The following IDE variants were observed in gnomAD, a reference collection of about 807,000 sequenced individuals.
IDE encodes insulin-degrading enzyme.
IDE carries 58 observed loss-of-function variants against 133.2 expected under a neutral mutation model. The observed-to-expected ratio is 0.44, with a 90% CI of 0.35 to 0.54. The LOEUF is 0.54. Among genes scored for constraint, IDE ranks in the 20% least tolerant of loss-of-function variants. IDE has a pLI of 0.00. For synonymous variants in IDE, 396 were observed against 421.3 expected, an observed-to-expected ratio of 0.94 and a Z score of 0.73; for missense variants, 981 against 1,234.0, an observed-to-expected ratio of 0.79 and a Z score of 3.07.
intron 1 of IDE, among the ~76,000 whole-genome samples, chr10:92,564,754 G>T (rs533414026): frequency 2.8e-5 from 4 of 140,700 alleles, no homozygotes; most frequent in African/African-American, 1.1e-4. Context: ...GATCAAGTGG[G>T]AAGAATCAGA....
intron 11 of IDE, among the ~76,000 whole-genome samples, chr10:92,499,146 G>A (rs182315854): frequency 6.6e-6 from 1 of 152,052 alleles, no homozygotes; most frequent in Non-Finnish European, 1.5e-5. Context: ...TATCACTTAA[G>A]AGCGGTTTTT....
intron 12 of IDE, 32 bp downstream of exon 12, chr10:92,490,461 G>T (rs753564360): frequency 7.6e-7 from 1 of 1,312,530 alleles, no homozygotes; most frequent in South Asian, 1.2e-5. Context: ...TTCCTCACAT[G>T]TCAGGCTTAT....
intron 5 of IDE, among the ~76,000 whole-genome samples, chr10:92,513,105 TACA>T (rs1228434170): frequency 3.3e-5 from 5 of 152,256 alleles, no homozygotes; most frequent in Non-Finnish European, 7.3e-5. Flanking sequence ...TTAATTACTA[TACA>T]ACATTATTAA....
At chr10:92,462,325 A>T (rs1373446377) in intron 21 of IDE, among the ~76,000 whole-genome samples, 2 of 150,966 alleles carry the variant, frequency 1.3e-5, no homozygotes, top group East Asian at 3.9e-4. Flanking sequence ...CATAAAAAAA[A>T]AAAAAAAAAA....
At chr10:92,546,004 C>G (rs531208429) in intron 1 of IDE, among the ~76,000 whole-genome samples, 44 of 152,222 alleles carry the variant, frequency 2.9e-4, no homozygotes, top group Middle Eastern at 6.8e-3. Flanking sequence ...CAGAAATGAT[C>G]AAATGACAAT....
At position 92,504,800 on chromosome 10, in the gene IDE, T is replaced by C. The variant is rs1258116735; in HGVS notation, c.1424A>G (p.Asn475Ser). ...AATCTGTATGGTGACTCACCGGACATTTTCTGGTCTGAGTTTATCGAGAAC... is the reference window on the plus strand; with the variant it reads ...AATCTGTATGGTGACTCACCGGACACTTTCTGGTCTGAGTTTATCGAGAAC... ...EMVLDKLRPE[N>S]VRVAIVSKSF... The change falls in exon 11 of 25, where the codon AAT becomes AGT. Residue 475 changes from asparagine (N) to serine (S), a missense_variant. Coordinates refer to ENST00000265986, the MANE Select transcript of IDE (RefSeq NM_004969.4). 2 of 1,554,460 alleles carry C rather than the reference T, an allele frequency of 1.3e-6. No individual in the cohort carries two copies. The highest frequency in any genetic ancestry group is 3.4e-5 in the Admixed American group (2 of 58,932).
intron 1 of IDE, among the ~76,000 whole-genome samples, chr10:92,552,501 C>T (rs1260547464): frequency 6.6e-6 from 1 of 152,120 alleles, no homozygotes; most frequent in East Asian, 1.9e-4. Flanking sequence ...GACTGGCCGG[C>T]CACTAGAAGC....
chr10:92,498,744 G>A lies in IDE; in HGVS notation c.1430+6050C>T, dbSNP rs902741464. Among the ~76,000 whole-genome samples, 7 of 151,924 alleles carry A rather than the reference G, an allele frequency of 4.6e-5. No homozygotes were observed. The East Asian group carries it at 1.2e-3, about 25-fold the overall frequency. ...GCACTCCAGCCTAGGCAACAAGAGC[G>A]AAACTCCATCTCAAAGAACAAAAAA... is the stretch of plus-strand genomic sequence containing the variant. On this transcript the variant is annotated intron_variant, in intron 11 of 24. Transcript: ENST00000265986.
intron 1 of IDE, among the ~76,000 whole-genome samples, chr10:92,556,937 A>C (rs1300587180): frequency 6.6e-6 from 1 of 151,992 alleles, no homozygotes; most frequent in Non-Finnish European, 1.5e-5. Context: ...AAAAAAAAAA[A>C]AAACTTATGC....
At chr10:92,510,241 T>G (rs538355472) in intron 5 of IDE, 79 bp from the exon 6 acceptor site, 1 of 704,976 alleles carries the variant, frequency 1.4e-6, no homozygotes, top group Non-Finnish European at 2.4e-6. Flanking sequence ...TCTTAGGATC[T>G]CCTGAAAAGT....
At chr10:92,552,167 T>C (rs11187065) in intron 1 of IDE, among the ~76,000 whole-genome samples, 25,140 of 152,142 alleles carry the variant, frequency 0.17, 2,450 homozygotes, top group Middle Eastern at 0.21. Flanking sequence ...AAGCTGGATT[T>C]TGACTGGATA....
chr10:92,461,930 T>G (rs962435881), intron 21 of IDE, among the ~76,000 whole-genome samples: 1 of 152,122 alleles, frequency 6.6e-6, no homozygotes, highest in African/African-American at 2.4e-5. Context: ...CGCCTCGCAC[T>G]CCCAAAATGT....
intron 21 of IDE, 72 bp downstream of exon 21, chr10:92,463,659 C>A: frequency 7.4e-7 from 1 of 1,354,810 alleles, no homozygotes; most frequent in Non-Finnish European, 1.0e-6. Flanking sequence ...AAAATGAATA[C>A]CATTTTGTAG....
chr10:92,487,450 A>C, intron 12 of IDE, 132 bp from the exon 13 acceptor site: 6 of 770,070 alleles, frequency 7.8e-6, no homozygotes, highest in Non-Finnish European at 1.2e-5. Context: ...TCATATATAA[A>C]AGAGGTACTA....
intron 20 of IDE, 28 bp downstream of exon 20, chr10:92,465,648 C>A: frequency 6.3e-7 from 1 of 1,591,722 alleles, no homozygotes; most frequent in Non-Finnish European, 8.6e-7. Context: ...GTCTACAGTA[C>A]CCTGCTATTT....
intron 14 of IDE, among the ~76,000 whole-genome samples, chr10:92,481,485 G>A (rs1482566139): frequency 6.6e-6 from 1 of 152,182 alleles, no homozygotes; most frequent in Non-Finnish European, 1.5e-5. Context: ...TGGTGAAGTG[G>A]AGAAGACCCT....
intron 17 of IDE, among the ~76,000 whole-genome samples, chr10:92,471,130 T>A (rs1845940981): frequency 6.6e-6 from 1 of 152,216 alleles, no homozygotes; most frequent in Non-Finnish European, 1.5e-5. Context: ...CCATTGGTAG[T>A]TATTGCCTGT....
At chr10:92,498,893 C>G (rs969502471) in intron 11 of IDE, among the ~76,000 whole-genome samples, 2 of 152,170 alleles carry the variant, frequency 1.3e-5, no homozygotes, top group Admixed American at 6.5e-5. Flanking sequence ...ATCTATAGCT[C>G]TTTCTCCTCA....
chr10:92,468,848 C>A lies in IDE; in HGVS notation c.2320+31G>T, dbSNP rs1193832342. 17 of 1,147,536 alleles carry A rather than the reference C, an allele frequency of 1.5e-5. No individual in the cohort carries two copies. The East Asian group carries it at 3.7e-4, about 25-fold the overall frequency. The allele number at this position is 1,147,536 out of a possible 1,614,324, so 71.1% of individuals were successfully genotyped here. A position where few individuals can be genotyped will look rare whatever the true frequency, so the allele number is the denominator to read the frequency against. On this transcript the variant is annotated intron_variant, in intron 19 of 24. Transcript: ENST00000265986. ...ACCCACACTGTTATGTCAAAATAGT[C>A]CATTCCCAAAGTTACAACATCTCTA...
Sources: gnomAD v4.1 joint callset for allele counts (sites outside exome capture counted in the v4.1 genomes callset) on GRCh38, gnomAD v4.1.1 for gene constraint, MANE v1.5 for transcripts, NCBI Gene and HGNC (gene_info 2026-07-23, HGNC 2026-07-21) for gene names.